The following PLCXD3 variants were observed in gnomAD, a reference collection of about 807,000 sequenced individuals.
PLCXD3 encodes phosphatidylinositol specific phospholipase C X domain containing 3.
A neutral mutation model predicts 25.5 loss-of-function variants in PLCXD3; 19 were observed. The observed-to-expected ratio is 0.75, with a 90% CI of 0.52 to 1.09. The LOEUF is 1.09. Ranked by LOEUF, PLCXD3 falls within the 50% of genes least tolerant of loss-of-function variation. The pLI, the probability that PLCXD3 is intolerant of heterozygous loss-of-function variation, is 0.00. For missense variants in PLCXD3, 411 were observed against 388.1 expected (o/e 1.06, Z -0.50); for synonymous variants, 174 against 137.6 (o/e 1.26, Z -1.85).
chr5:41,366,477 T>A (rs534466763), intron 2 of PLCXD3, among the ~76,000 whole-genome samples: 1 of 152,316 alleles, frequency 6.6e-6, no homozygotes, highest in African/African-American at 2.4e-5. Flanking sequence ...AAGATCACAC[T>A]GCATGTGAAA....
intron 1 of PLCXD3, among the ~76,000 whole-genome samples, chr5:41,432,355 C>A (rs1210164087): frequency 6.6e-6 from 1 of 152,144 alleles, no homozygotes; most frequent in African/African-American, 2.4e-5. Flanking sequence ...GCTTTAAAAA[C>A]CCTGTATTTC....
At chr5:41,397,834 A>G (rs1293907192) in intron 1 of PLCXD3, among the ~76,000 whole-genome samples, 1 of 152,214 alleles carries the variant, frequency 6.6e-6, no homozygotes, top group Non-Finnish European at 1.5e-5. Flanking sequence ...GGATTATTTC[A>G]GAGCTTTAAG....
chr5:41,357,945 C>T (rs769726739), intron 2 of PLCXD3, among the ~76,000 whole-genome samples: 2 of 152,038 alleles, frequency 1.3e-5, no homozygotes, highest in Non-Finnish European at 2.9e-5. Flanking sequence ...TTAAAGTAAA[C>T]CTAATTATTC....
At chr5:41,403,277 A>C (rs1463879722) in intron 1 of PLCXD3, among the ~76,000 whole-genome samples, 1 of 135,536 alleles carries the variant, frequency 7.4e-6, no homozygotes, top group African/African-American at 2.8e-5. Context: ...GAAAAGAGGA[A>C]CTCTTTTTTT....
intron 1 of PLCXD3, among the ~76,000 whole-genome samples, chr5:41,415,618 C>A (rs1380235888): frequency 6.6e-6 from 1 of 152,148 alleles, no homozygotes; most frequent in East Asian, 1.9e-4. Context: ...TACTTAGTTC[C>A]ATTCTGCATT....
chr5:41,419,345 C>T (rs894621539), intron 1 of PLCXD3, among the ~76,000 whole-genome samples: 18 of 152,066 alleles, frequency 1.2e-4, no homozygotes, highest in African/African-American at 3.1e-4. Context: ...CTATACAAGA[C>T]GTTCTTTCTT....
chr5:41,374,331 T>C (rs563768287), intron 2 of PLCXD3, among the ~76,000 whole-genome samples: 1 of 152,244 alleles, frequency 6.6e-6, no homozygotes, highest in African/African-American at 2.4e-5. Context: ...GTTTGCCAAG[T>C]CCTAGGCTGG....
At chr5:41,387,799 A>G (rs749203209) in intron 1 of PLCXD3, among the ~76,000 whole-genome samples, 5 of 152,180 alleles carry the variant, frequency 3.3e-5, no homozygotes, top group Non-Finnish European at 7.4e-5. Flanking sequence ...GCTAAGTATA[A>G]GACAAGCATT....
chr5:41,339,957 A>G (rs1744091914), intron 2 of PLCXD3, among the ~76,000 whole-genome samples: 1 of 152,220 alleles, frequency 6.6e-6, no homozygotes, highest in Non-Finnish European at 1.5e-5. Flanking sequence ...GACACTCGCC[A>G]TAGAGAGGGC....
At chr5:41,404,057 C>G (rs998703190) in intron 1 of PLCXD3, among the ~76,000 whole-genome samples, 1 of 152,124 alleles carries the variant, frequency 6.6e-6, no homozygotes, top group Non-Finnish European at 1.5e-5. Context: ...CAAGTTGGCT[C>G]TTCCAAGCAA....
At chr5:41,487,982 A>G (rs1748558456) in intron 1 of PLCXD3, among the ~76,000 whole-genome samples, 1 of 151,590 alleles carries the variant, frequency 6.6e-6, no homozygotes, top group African/African-American at 2.4e-5. Flanking sequence ...TTAGTTACAT[A>G]TGTATACATG....
At chr5:41,468,794 G>A (rs1340374552) in intron 1 of PLCXD3, among the ~76,000 whole-genome samples, 1 of 152,068 alleles carries the variant, frequency 6.6e-6, no homozygotes, top group African/African-American at 2.4e-5. Context: ...TTTTTTATAT[G>A]TAAGGTTATG....
At chr5:41,361,095 G>A (rs879631425) in intron 2 of PLCXD3, among the ~76,000 whole-genome samples, 3 of 152,030 alleles carry the variant, frequency 2.0e-5, no homozygotes, top group Non-Finnish European at 4.4e-5. Context: ...TGTGGGGGAT[G>A]GGGGTGTGGA....
intron 1 of PLCXD3, among the ~76,000 whole-genome samples, chr5:41,385,540 C>T (rs144061641): frequency 6.6e-6 from 1 of 152,206 alleles, no homozygotes; most frequent in Non-Finnish European, 1.5e-5. Flanking sequence ...TGTTTCTCCT[C>T]AGTGTGATAA....
intron 1 of PLCXD3, among the ~76,000 whole-genome samples, chr5:41,492,139 A>G (rs1259007988): frequency 6.6e-6 from 1 of 152,150 alleles, no homozygotes; most frequent in South Asian, 2.1e-4. Flanking sequence ...GGTGGTGACA[A>G]AATCTCTCAG....
chr5:41,370,503 G>A (rs139837285), intron 2 of PLCXD3, among the ~76,000 whole-genome samples: 1 of 152,270 alleles, frequency 6.6e-6, no homozygotes, highest in East Asian at 1.9e-4. Context: ...ATGTTAGTTA[G>A]TTATTTAATA....
In PLCXD3 at chr5:41,313,570, A is replaced by G; in HGVS notation, c.*47T>C. 9.9e-6 allele frequency: 16 copies of G among 1,608,364 alleles called. No homozygotes were observed. The highest frequency in any genetic ancestry group is 1.4e-5 in the Non-Finnish European group (16 of 1,175,132). On this transcript the variant is annotated 3_prime_UTR_variant, in exon 3 of 3. Transcript: ENST00000377801. ...GTGTTTACAGATAGTATGCCCTAAT[A>G]CAATGAGCTTTCTCCATCTTATTCA...
intron 2 of PLCXD3, among the ~76,000 whole-genome samples, chr5:41,369,799 G>T (rs758885723): frequency 4.7e-4 from 72 of 152,114 alleles, no homozygotes; most frequent in Non-Finnish European, 8.5e-4. Flanking sequence ...TTTTGATAGA[G>T]TTATCTTATT....
intron 1 of PLCXD3, among the ~76,000 whole-genome samples, chr5:41,470,289 G>A (rs974393215): frequency 6.6e-6 from 1 of 152,086 alleles, no homozygotes; most frequent in African/African-American, 2.4e-5. Flanking sequence ...TGACTTAGAA[G>A]AGCAGTAGAA....
Sources: gnomAD v4.1 joint callset for allele counts (sites outside exome capture counted in the v4.1 genomes callset) on GRCh38, gnomAD v4.1.1 for gene constraint, MANE v1.5 for transcripts, NCBI Gene and HGNC (gene_info 2026-07-23, HGNC 2026-07-21) for gene names.